Variants in CNOT7 observed in about 807,000 individuals in gnomAD.
The protein encoded by CNOT7 is BTG1-binding factor 1.
A neutral mutation model predicts 37.1 loss-of-function variants in CNOT7; 4 were observed. The observed-to-expected ratio is 0.11, with a 90% CI of 0.05 to 0.25. The LOEUF is 0.25. Ranked by LOEUF, CNOT7 falls within the 10% of genes least tolerant of loss-of-function variation. CNOT7 has a pLI of 1.00. For synonymous variants in CNOT7, 128 were observed against 115.6 expected (o/e 1.11, Z -0.69); for missense variants, 170 against 336.2 (o/e 0.51, Z 3.87).
At chr8:17,236,067 TTAAG>T (rs1809316490) in intron 4 of CNOT7, among the ~76,000 whole-genome samples, 1 of 152,196 alleles carries the variant, frequency 6.6e-6, no homozygotes, top group South Asian at 2.1e-4. Flanking sequence ...ATCAAGAGTC[TTAAG>T]TTATGTTTCC....
rs1808260751 is a variant in CNOT7 at position 17,227,808 on chromosome 8, G to GT, written c.*2911dup. On this transcript the variant is annotated 3_prime_UTR_variant, in exon 7 of 7. Coordinates refer to ENST00000361272, the MANE Select transcript of CNOT7 (RefSeq NM_013354.7). ...CCATATTCCAATGTGCCTTGAAAGT[G>GT]TAACATTCAAAGGTACTTTTCTTGT... is the stretch of plus-strand genomic sequence containing the variant. 1 of 151,848 alleles carries GT rather than the reference G, an allele frequency of 6.6e-6. No homozygotes were observed. Among genetic ancestry groups the GT allele is most frequent in the Non-Finnish European group, 1.5e-5 (1 of 67,788 alleles). The allele number at this position is 151,848 out of a possible 1,614,324, so 9.4% of individuals were successfully genotyped here.
chr8:17,230,463 C>T lies in CNOT7; in HGVS notation c.*257G>A, dbSNP rs1448115136. The T allele has an allele frequency of 4.0e-6, 1 of 248,664 alleles. No homozygotes were observed. The highest frequency in any genetic ancestry group is 7.6e-6 in the Non-Finnish European group (1 of 130,866). 15.4% of individuals were successfully genotyped at this position (248,664 alleles called of 1,614,324 possible). On this transcript the variant is annotated 3_prime_UTR_variant, in exon 7 of 7. Coordinates refer to ENST00000361272, the MANE Select transcript of CNOT7 (RefSeq NM_013354.7). ...TCAAAATATTCAATGATGTAGCTTT[C>T]CCCACTCTCTGTCACACACGCTTGC...
chr8:17,244,272 A>G (rs1339362374), intron 2 of CNOT7: 1 of 152,574 alleles, frequency 6.6e-6, no homozygotes, highest in African/African-American at 2.4e-5. Context: ...AGCACGTGCA[A>G]AAGCAGAGTT....
chr8:17,237,404 A>G, intron 3 of CNOT7, 31 bp from the exon 4 acceptor site: 1 of 1,607,126 alleles, frequency 6.2e-7, no homozygotes, highest in Non-Finnish European at 8.5e-7. Context: ...ACAACATTCA[A>G]ACATGCCATT....
chr8:17,242,312 A>G (rs1810292080), intron 3 of CNOT7: 1 of 152,240 alleles, frequency 6.6e-6, no homozygotes, highest in Admixed American at 6.5e-5. Flanking sequence ...TAGTTTGCAA[A>G]TAATCTGCCC....
At position 17,226,336 on chromosome 8, in the gene CNOT7, G is replaced by A. The variant is rs188521342; in HGVS notation, c.*4384C>T. On this transcript the variant is annotated 3_prime_UTR_variant, in exon 7 of 7. Coordinates refer to ENST00000361272, the MANE Select transcript of CNOT7 (RefSeq NM_013354.7). Reference sequence around the variant, plus strand: ...TAGAAAATGTTAATCTGTTAATGCTGATGTGTAATGGGATTTCACGTATTT... The same window carrying A: ...TAGAAAATGTTAATCTGTTAATGCTAATGTGTAATGGGATTTCACGTATTT... The A allele has an allele frequency of 7.9e-5, 12 of 151,346 alleles. No homozygotes were observed. Among genetic ancestry groups the A allele is most frequent in the African/African-American group, 2.7e-4 (11 of 41,312 alleles). 9.4% of individuals were successfully genotyped at this position (151,346 alleles called of 1,614,324 possible).
intron 6 of CNOT7, 112 bp downstream of exon 6, chr8:17,232,315 C>T (rs1391373988): frequency 8.3e-6 from 13 of 1,573,332 alleles, no homozygotes; most frequent in Non-Finnish European, 1.0e-5. Flanking sequence ...TATGGTATCT[C>T]TAATTATATC....
intron 2 of CNOT7, among the ~76,000 whole-genome samples, chr8:17,244,000 G>A (rs926180145): frequency 6.6e-6 from 1 of 152,106 alleles, no homozygotes; most frequent in Admixed American, 6.5e-5. Flanking sequence ...GGCTAGCTAA[G>A]AATAAAAACT....
At chr8:17,243,485 C>T (rs781445974) in intron 2 of CNOT7, 2 of 522,900 alleles carry the variant, frequency 3.8e-6, no homozygotes, top group South Asian at 3.1e-5. Context: ...TCCTGTCTCC[C>T]AAAGGATACA....
At position 17,232,580 on chromosome 8, in the gene CNOT7, C is replaced by A. The variant is rs764159188; in HGVS notation, c.619-43G>T. 7 of 1,566,784 alleles carry A rather than the reference C, an allele frequency of 4.5e-6. No individual in the cohort carries two copies. The African/African-American group carries it at 9.6e-5, about 21-fold the overall frequency. The stretch of plus-strand genomic sequence containing the variant: ...TTGCTTGTCAAGAAGAAAAATCTTA[C>A]AAGGCCTAAATTCACAAATTATAAA... On this transcript the variant is annotated intron_variant, in intron 5 of 6. Coordinates refer to ENST00000361272, the MANE Select transcript of CNOT7 (RefSeq NM_013354.7).
At chr8:17,239,514 G>C (rs537572717) in intron 3 of CNOT7, among the ~76,000 whole-genome samples, 1 of 151,856 alleles carries the variant, frequency 6.6e-6, no homozygotes, top group Admixed American at 6.5e-5. Flanking sequence ...TTTCTTTTTT[G>C]AGACGGAGTC....
chr8:17,242,911 C>A (rs1317985808), intron 3 of CNOT7, 81 bp downstream of exon 3: 3 of 895,390 alleles, frequency 3.4e-6, no homozygotes, highest in African/African-American at 3.6e-5. Flanking sequence ...CCTAGCATGT[C>A]ACCATACTTG....
At chr8:17,244,965 GA>G (rs1259170824) in intron 2 of CNOT7, 70 bp downstream of exon 2, 73 of 1,245,262 alleles carry the variant, frequency 5.9e-5, no homozygotes, top group Admixed American at 2.6e-4. Flanking sequence ...CAAAAGGGTT[GA>G]ATTCAAGACT....
At chr8:17,243,607 T>C (rs561360423) in intron 2 of CNOT7, 3 of 457,678 alleles carry the variant, frequency 6.6e-6, no homozygotes, top group Non-Finnish European at 1.3e-5. Flanking sequence ...ACAAGGTTTT[T>C]CTCAACACCA....
At chr8:17,237,475 G>T (rs1340560268) in intron 3 of CNOT7, 102 bp from the exon 4 acceptor site, 1 of 1,065,274 alleles carries the variant, frequency 9.4e-7, no homozygotes, top group Non-Finnish European at 1.4e-6. Flanking sequence ...AAGAGACAGA[G>T]GAATGGCTTG....
intron 2 of CNOT7, chr8:17,244,537 C>A (rs1241536104): frequency 5.2e-5 from 8 of 152,754 alleles, no homozygotes; most frequent in Admixed American, 3.9e-4. Context: ...ACTCTGTAAT[C>A]ATGTCTGAAC....
chr8:17,237,459 C>A (rs2150986791), intron 3 of CNOT7, 86 bp from the exon 4 acceptor site: 1 of 1,265,988 alleles, frequency 7.9e-7, no homozygotes, highest in Admixed American at 2.0e-5. Flanking sequence ...AACTACAGTG[C>A]CAGAAAAGAG....
rs1808330154 is a variant in CNOT7, at chr8:17,228,885, C to T, written c.*1835G>A. Reference sequence around the variant, plus strand: ...AGCTTCACTTCCTTTTTAACGAAGACAAAAGAAGCCAGTTAGAAACTTACT... The same window carrying T: ...AGCTTCACTTCCTTTTTAACGAAGATAAAAGAAGCCAGTTAGAAACTTACT... On this transcript the variant is annotated 3_prime_UTR_variant, in exon 7 of 7. Coordinates refer to ENST00000361272, the MANE Select transcript of CNOT7 (RefSeq NM_013354.7). 6.6e-6 allele frequency: 1 copy of T among 151,822 alleles called. No individual in the cohort carries two copies. The highest frequency in any genetic ancestry group is 2.1e-4 in the South Asian group (1 of 4,826). 9.4% of individuals were successfully genotyped at this position (151,822 alleles called of 1,614,324 possible).
At chr8:17,244,910 C>T in intron 2 of CNOT7, 126 bp downstream of exon 2, 1 of 809,708 alleles carries the variant, frequency 1.2e-6, no homozygotes, top group Non-Finnish European at 2.0e-6. Flanking sequence ...AGGGCAGTGA[C>T]AAATTTTACT....
Sources: allele counts gnomAD v4.1 joint callset (sites outside exome capture counted in the v4.1 genomes callset), GRCh38; gene constraint gnomAD v4.1.1; transcripts MANE v1.5; gene names NCBI Gene and HGNC (gene_info 2026-07-23, HGNC 2026-07-21).